Variants in MTERF1 observed in about 807,000 individuals in gnomAD.
The protein encoded by MTERF1 is mitochondrial transcription termination factor 1.
MTERF1 carries 29 observed loss-of-function variants against 31.6 expected under a neutral mutation model. The observed-to-expected ratio is 0.92, with a 90% CI of 0.68 to 1.25. The LOEUF (loss-of-function observed/expected upper bound fraction) is 1.25, where lower values mean the gene tolerates loss of function less well. Among genes scored for constraint, MTERF1 ranks in the 50% most tolerant of loss-of-function variants. The pLI is 0.00. For missense variants in MTERF1, 500 were observed against 469.1 expected (o/e 1.07, Z -0.61); for synonymous variants, 152 against 164.1 (o/e 0.93, Z 0.57).
Position 91,874,660 on chromosome 7 carries a change from G to A in MTERF1, c.134C>T (p.Ser45Leu), listed in dbSNP as rs1562844419. The part of the protein sequence containing the change: ...FGSRCWMTRF[S>L]AENIFKSVSF... Reference sequence around the variant, plus strand: ...AACTGATTTGAAGATGTTTTCTGCTGAAAATCGAGTCATCCAACATCTTGA... The same window carrying A: ...AACTGATTTGAAGATGTTTTCTGCTAAAAATCGAGTCATCCAACATCTTGA... The change falls in exon 3 of 3, where the codon TCA (serine) becomes TTA (leucine). Residue 45 changes from serine to leucine, a missense_variant. Transcript: ENST00000351870. 2 of 1,614,042 alleles carry A rather than the reference G, an allele frequency of 1.2e-6. No homozygotes were observed. Among genetic ancestry groups the A allele is most frequent in the Non-Finnish European group, 1.7e-6 (2 of 1,179,992 alleles).
chr7:91,878,169 T>A (rs1789392189), intron 2 of MTERF1, among the ~76,000 whole-genome samples: 1 of 152,226 alleles, frequency 6.6e-6, no homozygotes, highest in Non-Finnish European at 1.5e-5. Context: ...CTAAGCTTTC[T>A]ATTTATAGAA....
rs1584459310 is a variant in MTERF1, at chr7:91,872,778, C to G, written c.*816G>C. 1 of 152,170 alleles carries G rather than the reference C, an allele frequency of 6.6e-6. No individual in the cohort carries two copies. The highest frequency in any genetic ancestry group is 1.9e-4 in the East Asian group (1 of 5,176). 9.4% of individuals were successfully genotyped at this position (152,170 alleles called of 1,614,324 possible). Reference sequence around the variant, plus strand: ...GAGCTAGATTGTATCTTGAAAATACCGACATTATCTGATTTGCCATTTTTT... The same window carrying G: ...GAGCTAGATTGTATCTTGAAAATACGGACATTATCTGATTTGCCATTTTTT... On this transcript the variant is annotated 3_prime_UTR_variant, in exon 3 of 3. Coordinates refer to ENST00000351870, the MANE Select transcript of MTERF1 (RefSeq NM_006980.5).
Position 91,873,800 on chromosome 7 carries a change from T to C in MTERF1, c.994A>G (p.Ile332Val), listed in dbSNP as rs139119978. Residue 332 changes from isoleucine to valine, a missense_variant, in exon 3 of 3, where the codon ATA becomes GTA. Physicochemically the swap from Ile to Val is conservative, Grantham distance 29. Coordinates refer to ENST00000351870, the MANE Select transcript of MTERF1 (RefSeq NM_006980.5). ...ATGTTTTCTTCCATGAGGCAGTCTA[T>C]TTTATCATTAAACTTTTTCTCTGCC... The part of the protein sequence containing the change: ...FLAEKKFNDK[I>V]DCLMEENISI... 665 of 1,614,168 alleles carry C rather than the reference T, an allele frequency of 4.1e-4. No homozygotes were observed. The highest frequency in any genetic ancestry group is 5.3e-4 in the Non-Finnish European group (623 of 1,180,014).
chr7:91,874,269 GT>G lies in MTERF1; in HGVS notation c.524del (p.Asn175ThrfsTer2). On this transcript the variant is annotated frameshift_variant, in exon 3 of 3. Coordinates refer to ENST00000351870, the MANE Select transcript of MTERF1 (RefSeq NM_006980.5). LOFTEE classifies it high-confidence loss of function. ...AGAGGAACTTTATATTATTCTCTAA[GT>G]TTAGGTTGTTATTGGACCGAAAAAA... is the stretch of plus-strand genomic sequence containing the variant. ...ESFFRSNNNLNLENNIKFLYS... is the reference protein window; with the variant it reads ...ESFFRSNNNLXLENNIKFLYS... The G allele has an allele frequency of 1.2e-6, 2 of 1,613,966 alleles. No individual in the cohort carries two copies. Among genetic ancestry groups the G allele is most frequent in the Non-Finnish European group, 1.7e-6 (2 of 1,179,972 alleles).
chr7:91,880,169 A>C (rs1789468904), intron 1 of MTERF1, 56 bp from the exon 2 acceptor site: 1 of 1,427,244 alleles, frequency 7.0e-7, no homozygotes, highest in African/African-American at 1.4e-5. Context: ...CCTTCCTAAT[A>C]CAAAATAAGA....
chr7:91,873,730 C>G lies in MTERF1; in HGVS notation c.1064G>C (p.Ser355Thr). 2 of 1,614,110 alleles carry G rather than the reference C, an allele frequency of 1.2e-6. No individual in the cohort carries two copies. The highest frequency in any genetic ancestry group is 8.5e-7 in the Non-Finnish European group (1 of 1,180,006). ...IIENPRVLDS[S>T]ISTLKSRIKE... Reference sequence around the variant, plus strand: ...GATTCGACTTTTTAAAGTACTTATGCTTGAATCCAGAACCCGAGGATTTTC... The same window carrying G: ...GATTCGACTTTTTAAAGTACTTATGGTTGAATCCAGAACCCGAGGATTTTC... The change falls in exon 3 of 3, where the codon AGC becomes ACC. Residue 355 changes from serine (S) to threonine (T), a missense_variant. Transcript: ENST00000351870.
chr7:91,874,881 G>T, intron 2 of MTERF1, 117 bp from the exon 3 acceptor site: 1 of 672,086 alleles, frequency 1.5e-6, no homozygotes, highest in Non-Finnish European at 2.5e-6. Flanking sequence ...TTCAGCTCCA[G>T]CTCTCCAGAA....
intron 2 of MTERF1, among the ~76,000 whole-genome samples, chr7:91,879,105 T>C (rs1160155495): frequency 6.6e-6 from 1 of 151,846 alleles, no homozygotes; most frequent in South Asian, 2.1e-4. Context: ...ATTGCACCAC[T>C]GCACTCCAGT....
In MTERF1 at chr7:91,873,476, G is replaced by A. The variant is rs1052021895; in HGVS notation, c.*118C>T. 1.4e-5 allele frequency: 12 copies of A among 885,180 alleles called. No individual in the cohort carries two copies. In the East Asian group the frequency reaches 2.9e-4, roughly 22 times the overall value. 54.8% of individuals were successfully genotyped at this position (885,180 alleles called of 1,614,324 possible). On this transcript the variant is annotated 3_prime_UTR_variant, in exon 3 of 3. Coordinates refer to ENST00000351870, the MANE Select transcript of MTERF1 (RefSeq NM_006980.5). ...TATTAGGCCCTCCAAAGTAATTCAGGATAATCTCCCCATCTCAAGGCCCTT... is the reference window on the plus strand; with the variant it reads ...TATTAGGCCCTCCAAAGTAATTCAGAATAATCTCCCCATCTCAAGGCCCTT...
In MTERF1 at chr7:91,873,710, G is replaced by A. The variant is rs745841858; in HGVS notation, c.1084C>T (p.Arg362Ter). 3.7e-6 allele frequency: 6 copies of A among 1,613,896 alleles called. No individual in the cohort carries two copies. Among genetic ancestry groups the A allele is most frequent in the East Asian group, 2.2e-5 (1 of 44,862 alleles). The change falls in exon 3 of 3, where the codon CGA (arginine) becomes TGA (stop). Residue 362 changes from arginine (R) to a stop codon, truncating the protein, a stop_gained. Coordinates refer to ENST00000351870, the MANE Select transcript of MTERF1 (RefSeq NM_006980.5). LOFTEE classifies it high-confidence loss of function. ...CCAGCATTTACCAATTCTTTGATTC[G>A]ACTTTTTAAAGTACTTATGCTTGAA... ...LDSSISTLKS[R>*]IKELVNAGCN...
At chr7:91,876,727 A>G (rs527503631) in intron 2 of MTERF1, among the ~76,000 whole-genome samples, 29 of 152,354 alleles carry the variant, frequency 1.9e-4, no homozygotes, top group African/African-American at 6.3e-4. Context: ...CAACAAAAGC[A>G]CATTTCAGAT....
At chr7:91,876,337 T>A (rs1024320713) in intron 2 of MTERF1, among the ~76,000 whole-genome samples, 1 of 152,252 alleles carries the variant, frequency 6.6e-6, no homozygotes, top group Non-Finnish European at 1.5e-5. Flanking sequence ...CTTTTGCCTT[T>A]TTAGAATATA....
At position 91,872,861 on chromosome 7, in the gene MTERF1, C is replaced by A. The variant is rs1789214652; in HGVS notation, c.*733G>T. 6.6e-6 allele frequency: 1 copy of A among 152,130 alleles called. No homozygotes were observed. Among genetic ancestry groups the A allele is most frequent in the Non-Finnish European group, 1.5e-5 (1 of 67,996 alleles). The allele number at this position is 152,130 out of a possible 1,614,324, so 9.4% of individuals were successfully genotyped here. On this transcript the variant is annotated 3_prime_UTR_variant, in exon 3 of 3. Coordinates refer to ENST00000351870, the MANE Select transcript of MTERF1 (RefSeq NM_006980.5). ...TTAGCTGAAATGCCAACAAAATGCA[C>A]AGAAATGATTATCATTTCCTTAAAC... is the stretch of plus-strand genomic sequence containing the variant.
At position 91,880,133 on chromosome 7, in the gene MTERF1, AC is replaced by A. The variant is rs1292389132; in HGVS notation, c.-30-21del. 3.7e-6 allele frequency: 6 copies of A among 1,604,824 alleles called. No individual in the cohort carries two copies. The highest frequency in any genetic ancestry group is 2.2e-5 in the East Asian group (1 of 44,810). On this transcript the variant is annotated intron_variant, in intron 1 of 2. Coordinates refer to ENST00000351870, the MANE Select transcript of MTERF1 (RefSeq NM_006980.5). ...CTATCTCTGGAAATGACACACACAC[AC>A]AAAAAAAAGGCAAAATATTTCAGGC...
In MTERF1 at chr7:91,873,881, A is replaced by C. The variant is rs779147809; in HGVS notation, c.913T>G (p.Cys305Gly). 1.5e-5 allele frequency: 24 copies of C among 1,614,126 alleles called. No homozygotes were observed. In the South Asian group the frequency reaches 2.3e-4, roughly 16 times the overall value. ...NIKEKLFSLG[C>G]TEEEVQKFVL... ...AACTTCTGTACCTCTTCTTCAGTAC[A>C]TCCAAGAGAAAACAGCTTCTCTTTG... Residue 305 changes from cysteine (C) to glycine (G), a missense_variant, in exon 3 of 3, where the codon TGT becomes GGT. Coordinates refer to ENST00000351870, the MANE Select transcript of MTERF1 (RefSeq NM_006980.5).
In MTERF1 at chr7:91,872,605, T is replaced by C. The variant is rs1292339393; in HGVS notation, c.*989A>G. The C allele has an allele frequency of 6.6e-6, 1 of 152,208 alleles. No individual in the cohort carries two copies. Among genetic ancestry groups the C allele is most frequent in the African/African-American group, 2.4e-5 (1 of 41,464 alleles). 9.4% of individuals were successfully genotyped at this position (152,208 alleles called of 1,614,324 possible). ...TATCAATAGTAGGAATAAGGTTTTT[T>C]GAAGTATCACTGATAGCAAATGAGG... On this transcript the variant is annotated 3_prime_UTR_variant, in exon 3 of 3. Coordinates refer to ENST00000351870, the MANE Select transcript of MTERF1 (RefSeq NM_006980.5).
chr7:91,878,202 C>CTG (rs1489249425), intron 2 of MTERF1, among the ~76,000 whole-genome samples: 1 of 152,176 alleles, frequency 6.6e-6, no homozygotes, highest in Non-Finnish European at 1.5e-5. Flanking sequence ...AATGGACTTA[C>CTG]AACTGGCAAC....
chr7:91,880,574 G>T, intron 1 of MTERF1, 83 bp downstream of exon 1: 1 of 178,742 alleles, frequency 5.6e-6, no homozygotes, highest in East Asian at 1.6e-4. Context: ...ATCTGCAAAG[G>T]GCTGCACTGT....
At chr7:91,880,394 G>A (rs890528800) in intron 1 of MTERF1, 9 of 274,410 alleles carry the variant, frequency 3.3e-5, no homozygotes, top group Non-Finnish European at 3.4e-5. Flanking sequence ...TTAAAAGGTA[G>A]GCATAAGCCT....
Sources: allele counts gnomAD v4.1 joint callset (sites outside exome capture counted in the v4.1 genomes callset), GRCh38; gene constraint gnomAD v4.1.1; transcripts MANE v1.5; gene names NCBI Gene and HGNC (gene_info 2026-07-23, HGNC 2026-07-21).